EGR3: variants seen among roughly 807,000 people sequenced by gnomAD.
The protein encoded by EGR3 is early growth response protein 3.
In EGR3, 4 loss-of-function variants were observed where a neutral mutation model predicts 22.4. The ratio of observed to expected loss-of-function variants is 0.18; its 90% CI spans 0.09 to 0.41. The LOEUF is 0.41. Ranked by LOEUF, EGR3 falls within the 10% of genes least tolerant of loss-of-function variation. The pLI, the probability that EGR3 is intolerant of heterozygous loss-of-function variation, is 1.00. For missense variants in EGR3, 315 were observed against 541.3 expected (o/e 0.58, Z 4.15); for synonymous variants, 219 against 226.8 (o/e 0.97, Z 0.31).
At position 22,693,064 on chromosome 8, in the gene EGR3, AGAGGGAAAGTTCGGGGGGAGGGGG is replaced by A; in HGVS notation, c.-144_-121del. 1 of 335,904 alleles carries A rather than the reference AGAGGGAAAGTTCGGGGGGAGGGGG, an allele frequency of 3.0e-6. No homozygotes were observed. The highest frequency in any genetic ancestry group is 4.6e-6 in the Non-Finnish European group (1 of 217,286). The allele number at this position is 335,904 out of a possible 1,614,324, so 20.8% of individuals were successfully genotyped here. A position where few individuals can be genotyped will look rare whatever the true frequency, so the allele number is the denominator to read the frequency against. On this transcript the variant is annotated 5_prime_UTR_variant, in exon 1 of 2. Transcript: ENST00000317216. ...CCGTGGTGCAGGGGAAAAGCATGCG[AGAGGGAAAGTTCGGGGGGAGGGGG>A]GAGGGAAGAAGGGAAGGGATGGGCC...
rs1287344238 is a variant in EGR3 at position 22,693,116 on chromosome 8, G to C, written c.-172C>G. ...GGGAAGAAGGGAAGGGATGGGCCAG[G>C]AGAGGGGATCTTCTCTTTTTTGGGG... On this transcript the variant is annotated 5_prime_UTR_variant, in exon 1 of 2. Coordinates refer to ENST00000317216, the MANE Select transcript of EGR3 (RefSeq NM_004430.3). 7 of 916,670 alleles carry C rather than the reference G, an allele frequency of 7.6e-6. No homozygotes were observed. 56.8% of individuals were successfully genotyped at this position (916,670 alleles called of 1,614,324 possible).
Position 22,689,260 on chromosome 8 carries a change from T to C in EGR3, c.*1213A>G, listed in dbSNP as rs776590556. The C allele has an allele frequency of 4.5e-4, 69 of 152,704 alleles. No homozygotes were observed. Among genetic ancestry groups the C allele is most frequent in the South Asian group, 2.1e-4 (1 of 4,834 alleles). The allele number at this position is 152,704 out of a possible 1,614,324, so 9.5% of individuals were successfully genotyped here. A position where few individuals can be genotyped will look rare whatever the true frequency, so the allele number is the denominator to read the frequency against. On this transcript the variant is annotated 3_prime_UTR_variant, in exon 2 of 2. Transcript: ENST00000317216. ...ACATATTGTGTGTATGTTATGTATA[T>C]GTACGCATGTGCATCTTTATACACA...
In EGR3 at chr8:22,692,378, G is replaced by A; in HGVS notation, c.154+413C>T. 2 of 1,459,296 alleles carry A rather than the reference G, an allele frequency of 1.4e-6. No homozygotes were observed. The highest frequency in any genetic ancestry group is 9.0e-7 in the Non-Finnish European group (1 of 1,110,750). 90.4% of individuals were successfully genotyped at this position (1,459,296 alleles called of 1,614,324 possible). On this transcript the variant is annotated intron_variant, in intron 1 of 1. Coordinates refer to ENST00000317216, the MANE Select transcript of EGR3 (RefSeq NM_004430.3). The surrounding 1 kb of genome is among the most constrained non-coding windows in gnomAD (Gnocchi z 6.2). Reference sequence around the variant, plus strand: ...GGCTGAGGGAGTAAGGGGGGAGAGCGCGGGTGAAAAAGACGCCGGGCTCCT... The same window carrying A: ...GGCTGAGGGAGTAAGGGGGGAGAGCACGGGTGAAAAAGACGCCGGGCTCCT...
At chr8:22,691,975 C>A in intron 1 of EGR3, 1 of 1,261,810 alleles carries the variant, frequency 7.9e-7, no homozygotes. Context: ...CAGAGCGCTC[C>A]GACGCTTTGT....
chr8:22,691,406 G>A lies in EGR3; in HGVS notation c.231C>T (p.Ala77=). 1 of 1,614,152 alleles carries A rather than the reference G, an allele frequency of 6.2e-7. No individual in the cohort carries two copies. The highest frequency in any genetic ancestry group is 1.7e-5 in the Admixed American group (1 of 60,034). ...AGTAGGTCACGGTCTTGTTGCCGGG[G>A]GCTGGCTGGAAGGAGCCGGAGTAAG... ...ELSYSGSFQP[A]PGNKTVTYLG... Residue 77 remains alanine, a synonymous_variant, in exon 2 of 2, where the codon GCC becomes GCT. Coordinates refer to ENST00000317216, the MANE Select transcript of EGR3 (RefSeq NM_004430.3).
In EGR3 at chr8:22,692,366, AG is replaced by A; in HGVS notation, c.154+424del. ...TCCCGGGTGGGAGGCTGAGGGAGTA[AG>A]GGGGGAGAGCGCGGGTGAAAAAGAC... On this transcript the variant is annotated intron_variant, in intron 1 of 1. Coordinates refer to ENST00000317216, the MANE Select transcript of EGR3 (RefSeq NM_004430.3). This position sits in a 1 kb window ranked among gnomAD's most constrained non-coding sequence, Gnocchi z 6.2. 2 of 1,476,902 alleles carry A rather than the reference AG, an allele frequency of 1.4e-6. No individual in the cohort carries two copies. Among genetic ancestry groups the A allele is most frequent in the Non-Finnish European group, 8.9e-7 (1 of 1,119,246 alleles). 91.5% of individuals were successfully genotyped at this position (1,476,902 alleles called of 1,614,324 possible).
At chr8:22,691,950 C>A in intron 1 of EGR3, 1 of 1,245,608 alleles carries the variant, frequency 8.0e-7, no homozygotes, top group Non-Finnish European at 1.0e-6. Flanking sequence ...GCGCGCTGCT[C>A]CCGGGTCGCC....
In EGR3 at chr8:22,693,345, T is replaced by TGCCACC. The variant is rs1219007877; in HGVS notation, c.-407_-402dup. The TGCCACC allele has an allele frequency of 0.11, 4,860 of 44,272 alleles. 199 individuals carry two copies. The highest frequency in any genetic ancestry group is 0.28 in the East Asian group (483 of 1,714). 2.7% of individuals were successfully genotyped at this position (44,272 alleles called of 1,614,324 possible). On this transcript the variant is annotated 5_prime_UTR_variant, in exon 1 of 2. Transcript: ENST00000317216. ...CCCGCCGCCCCCCCGCCCCCCGATCTGCCACCGCCACCGCCACCGCCACCG... is the reference window on the plus strand; with the variant it reads ...CCCGCCGCCCCCCCGCCCCCCGATCTGCCACCGCCACCGCCACCGCCACCGCCACCG...
In EGR3 at chr8:22,692,103, C is replaced by T; in HGVS notation, c.155-621G>A. ...CTTGCTGGAGGGGAAAATCCTAGCC[C>T]CAGCTAGGGAGGGTGGAGAGCGGCG... is the stretch of plus-strand genomic sequence containing the variant. On this transcript the variant is annotated intron_variant, in intron 1 of 1. Coordinates refer to ENST00000317216, the MANE Select transcript of EGR3 (RefSeq NM_004430.3). The surrounding 1 kb of genome is among the most constrained non-coding windows in gnomAD (Gnocchi z 6.2). The T allele has an allele frequency of 3.7e-6, 5 of 1,359,030 alleles. No individual in the cohort carries two copies. The highest frequency in any genetic ancestry group is 4.7e-6 in the Non-Finnish European group (5 of 1,060,014). 84.2% of individuals were successfully genotyped at this position (1,359,030 alleles called of 1,614,324 possible).
rs1803828611 is a variant in EGR3, at chr8:22,688,223, C to A, written c.*2250G>T. ...CTTAGTTTAGCTTAATGTCTGAGAA[C>A]AGTTTTATTAAAACAAAGGAAAACT... On this transcript the variant is annotated 3_prime_UTR_variant, in exon 2 of 2. Coordinates refer to ENST00000317216, the MANE Select transcript of EGR3 (RefSeq NM_004430.3). The A allele has an allele frequency of 6.6e-6, 1 of 152,372 alleles. No homozygotes were observed. Among genetic ancestry groups the A allele is most frequent in the Non-Finnish European group, 1.5e-5 (1 of 67,998 alleles). The allele number at this position is 152,372 out of a possible 1,614,324, so 9.4% of individuals were successfully genotyped here. A position where few individuals can be genotyped will look rare whatever the true frequency, so the allele number is the denominator to read the frequency against.
Position 22,691,098 on chromosome 8 carries a change from T to C in EGR3, c.539A>G (p.Lys180Arg). ...GAAGAGATTGCTGTCCAACGCCGGCTTGGCCGATTGGTAATCCTGGGGGGA... is the reference window on the plus strand; with the variant it reads ...GAAGAGATTGCTGTCCAACGCCGGCCTGGCCGATTGGTAATCCTGGGGGGA... The part of the protein sequence containing the change: ...AYSPQDYQSA[K>R]PALDSNLFPM... Residue 180 changes from lysine (K) to arginine (R), a missense_variant, in exon 2 of 2, where the codon AAG becomes AGG. By Grantham distance (26) the Lys-to-Arg change is conservative. Coordinates refer to ENST00000317216, the MANE Select transcript of EGR3 (RefSeq NM_004430.3). The C allele has an allele frequency of 1.2e-6, 2 of 1,613,880 alleles. No individual in the cohort carries two copies. Among genetic ancestry groups the C allele is most frequent in the Non-Finnish European group, 1.7e-6 (2 of 1,179,792 alleles).
rs1257873952 is a variant in EGR3 at position 22,692,971 on chromosome 8, G to A, written c.-27C>T. ...GCACTCCCGAGCTGCCGCCGCCGCC[G>A]CCACCGCCGCCACCGCCGCCGCTCG... On this transcript the variant is annotated 5_prime_UTR_variant, in exon 1 of 2. Transcript: ENST00000317216. The surrounding 1 kb of genome is among the most constrained non-coding windows in gnomAD (Gnocchi z 6.2). The A allele has an allele frequency of 6.3e-6, 10 of 1,581,806 alleles. No homozygotes were observed. Among genetic ancestry groups the A allele is most frequent in the Non-Finnish European group, 6.0e-6 (7 of 1,168,132 alleles).
chr8:22,692,354 G>T lies in EGR3; in HGVS notation c.154+437C>A. On this transcript the variant is annotated intron_variant, in intron 1 of 1. Transcript: ENST00000317216. The surrounding 1 kb of genome is among the most constrained non-coding windows in gnomAD (Gnocchi z 6.2). ...CACATGGCTCCATCCCGGGTGGGAG[G>T]CTGAGGGAGTAAGGGGGGAGAGCGC... The T allele has an allele frequency of 6.7e-7, 1 of 1,497,474 alleles. No homozygotes were observed. Among genetic ancestry groups the T allele is most frequent in the Non-Finnish European group, 8.8e-7 (1 of 1,130,992 alleles). The allele number at this position is 1,497,474 out of a possible 1,614,324, so 92.8% of individuals were successfully genotyped here.
At position 22,692,200 on chromosome 8, in the gene EGR3, C is replaced by A. The variant is rs1424415978; in HGVS notation, c.154+591G>T. The A allele has an allele frequency of 1.4e-6, 2 of 1,401,864 alleles. No homozygotes were observed. The highest frequency in any genetic ancestry group is 3.0e-5 in the African/African-American group (2 of 66,296). The allele number at this position is 1,401,864 out of a possible 1,614,324, so 86.8% of individuals were successfully genotyped here. A position where few individuals can be genotyped will look rare whatever the true frequency, so the allele number is the denominator to read the frequency against. ...GCTCCCCGGCCCCGGGATCGTTCCC[C>A]GTGGCAGGCCCTCGCCCCGCGGGTG... On this transcript the variant is annotated intron_variant, in intron 1 of 1. Transcript: ENST00000317216. This position sits in a 1 kb window ranked among gnomAD's most constrained non-coding sequence, Gnocchi z 6.2.
chr8:22,692,956 G>C lies in EGR3; in HGVS notation c.-12C>G. Reference sequence around the variant, plus strand: ...AGTTTGCCGGTCATAGCACTCCCGAGCTGCCGCCGCCGCCGCCACCGCCGC... The same window carrying C: ...AGTTTGCCGGTCATAGCACTCCCGACCTGCCGCCGCCGCCGCCACCGCCGC... On this transcript the variant is annotated 5_prime_UTR_variant, in exon 1 of 2. Coordinates refer to ENST00000317216, the MANE Select transcript of EGR3 (RefSeq NM_004430.3). This position sits in a 1 kb window ranked among gnomAD's most constrained non-coding sequence, Gnocchi z 6.2. The C allele has an allele frequency of 6.2e-7, 1 of 1,602,074 alleles. No homozygotes were observed. Among genetic ancestry groups the C allele is most frequent in the Non-Finnish European group, 8.5e-7 (1 of 1,176,644 alleles).
chr8:22,691,348 A>C lies in EGR3; in HGVS notation c.289T>G (p.Trp97Gly). 2 of 1,614,122 alleles carry C rather than the reference A, an allele frequency of 1.2e-6. No individual in the cohort carries two copies. Among genetic ancestry groups the C allele is most frequent in the Non-Finnish European group, 1.7e-6 (2 of 1,180,010 alleles). Residue 97 changes from tryptophan to glycine, a missense_variant, in exon 2 of 2, where the codon TGG becomes GGG. Coordinates refer to ENST00000317216, the MANE Select transcript of EGR3 (RefSeq NM_004430.3). Reference protein sequence around the residue: ...GKFAFDSPSNWCQDNIISLMS... With the variant: ...GKFAFDSPSNGCQDNIISLMS... Reference sequence around the variant, plus strand: ...AGGCTAATGATGTTGTCCTGGCACCAGTTGGAAGGGGAGTCGAAGGCGAAC... The same window carrying C: ...AGGCTAATGATGTTGTCCTGGCACCCGTTGGAAGGGGAGTCGAAGGCGAAC...
rs1333012895 is a variant in EGR3, at chr8:22,692,959, G to C, written c.-15C>G. ...TTGCCGGTCATAGCACTCCCGAGCT[G>C]CCGCCGCCGCCGCCACCGCCGCCAC... is the stretch of plus-strand genomic sequence containing the variant. On this transcript the variant is annotated 5_prime_UTR_variant, in exon 1 of 2. Coordinates refer to ENST00000317216, the MANE Select transcript of EGR3 (RefSeq NM_004430.3). The surrounding 1 kb of genome is among the most constrained non-coding windows in gnomAD (Gnocchi z 6.2). The C allele has an allele frequency of 6.3e-7, 1 of 1,588,458 alleles. No homozygotes were observed.
Position 22,692,702 on chromosome 8 carries a change from C to G in EGR3, c.154+89G>C. The G allele has an allele frequency of 1.3e-6, 2 of 1,527,768 alleles. No homozygotes were observed. Among genetic ancestry groups the G allele is most frequent in the Non-Finnish European group, 1.8e-6 (2 of 1,127,592 alleles). 94.6% of individuals were successfully genotyped at this position (1,527,768 alleles called of 1,614,324 possible). On this transcript the variant is annotated intron_variant, in intron 1 of 1. Coordinates refer to ENST00000317216, the MANE Select transcript of EGR3 (RefSeq NM_004430.3). The surrounding 1 kb of genome is among the most constrained non-coding windows in gnomAD (Gnocchi z 6.2). Reference sequence around the variant, plus strand: ...CCATCCATCCATCCATCCATCCATCCATCCATCCATCCATCACCAGGTCGT... The same window carrying G: ...CCATCCATCCATCCATCCATCCATCGATCCATCCATCCATCACCAGGTCGT...
At chr8:22,691,548 C>T (rs1803958759) in intron 1 of EGR3, 66 bp from the exon 2 acceptor site, 11 of 1,570,652 alleles carry the variant, frequency 7.0e-6, no homozygotes, top group Middle Eastern at 2.0e-4. Flanking sequence ...CCGCGGCGCC[C>T]AGGTCCTTGC....
Sources: allele counts gnomAD v4.1 joint callset, GRCh38; gene constraint gnomAD v4.1.1; non-coding constraint Gnocchi (gnomAD v3.1); transcripts MANE v1.5; gene names NCBI Gene and HGNC (gene_info 2026-07-23, HGNC 2026-07-21).